FRMPD1: variants seen among roughly 807,000 people sequenced by gnomAD.
FRMPD1 encodes FERM and PDZ domain-containing protein 1.
In FRMPD1, 76 loss-of-function variants were observed where a neutral mutation model predicts 117.8. The observed-to-expected ratio is 0.65, with a 90% CI of 0.54 to 0.78. The LOEUF (loss-of-function observed/expected upper bound fraction) is 0.78, where lower values mean the gene tolerates loss of function less well. Ranked by LOEUF, FRMPD1 falls within the 30% of genes least tolerant of loss-of-function variation. FRMPD1 has a pLI of 0.00. For missense variants in FRMPD1, 1,786 were observed against 1,964.5 expected (o/e 0.91, Z 1.72); for synonymous variants, 783 against 770.4 (o/e 1.02, Z -0.27).
rs1449288884 is a variant in FRMPD1 at position 37,740,417 on chromosome 9, T to C, written c.1889T>C (p.Phe630Ser). 6.2e-7 allele frequency: 1 copy of C among 1,614,030 alleles called. No individual in the cohort carries two copies. Among genetic ancestry groups the C allele is most frequent in the Non-Finnish European group, 8.5e-7 (1 of 1,180,030 alleles). Residue 630 changes from phenylalanine (F) to serine (S), a missense_variant, in exon 15 of 16, where the codon TTT (phenylalanine) becomes TCT (serine). Phe to Ser is a radical substitution (Grantham distance 155). Transcript: ENST00000377765. The surrounding 1 kb of genome is among the most constrained non-coding windows in gnomAD (Gnocchi z 4.2). Reference protein sequence around the residue: ...CSSSRSTFFHFGSPGLAESID... With the variant: ...CSSSRSTFFHSGSPGLAESID... ...TCCAGCAGGTCCACCTTCTTCCACT[T>C]TGGCTCGCCAGGCCTCGCAGAGAGC...
At chr9:37,731,967 G>C (rs1219266129) in intron 9 of FRMPD1, among the ~76,000 whole-genome samples, 1 of 152,132 alleles carries the variant, frequency 6.6e-6, no homozygotes, top group Admixed American at 6.6e-5. Flanking sequence ...ACTGCCCCAA[G>C]TCTTACAGAA....
chr9:37,664,760 A>G (rs1432506267), intron 1 of FRMPD1, among the ~76,000 whole-genome samples: 1 of 152,224 alleles, frequency 6.6e-6, no homozygotes, highest in East Asian at 1.9e-4. Flanking sequence ...CAGCAATAAA[A>G]GCAAAGAAAA....
At chr9:37,737,799 G>T (rs1253103973) in intron 14 of FRMPD1, among the ~76,000 whole-genome samples, 1 of 149,362 alleles carries the variant, frequency 6.7e-6, no homozygotes, top group Non-Finnish European at 1.5e-5. Context: ...CTCCAGCCTG[G>T]GCAACAAGAG....
rs377001478 is a variant in FRMPD1, at chr9:37,745,220, A to C, written c.3188A>C (p.His1063Pro). 6.2e-7 allele frequency: 1 copy of C among 1,613,012 alleles called. No individual in the cohort carries two copies. The highest frequency in any genetic ancestry group is 1.3e-5 in the African/African-American group (1 of 74,916). ...GGATTGGAATCTTTTTGTACAAATC[A>C]TATACAAGAAACTGCCCCCAAATAC... ...EMGLESFCTNHIQETAPKYTE... is the reference protein window; with the variant it reads ...EMGLESFCTNPIQETAPKYTE... The change falls in exon 16 of 16, where the codon CAT (histidine) becomes CCT (proline). Residue 1063 changes from histidine (H) to proline (P), a missense_variant. His to Pro is a moderately conservative substitution (Grantham distance 77). Coordinates refer to ENST00000377765, the MANE Select transcript of FRMPD1 (RefSeq NM_014907.3).
At chr9:37,730,194 C>T (rs1405274617) in intron 8 of FRMPD1, among the ~76,000 whole-genome samples, 1 of 152,176 alleles carries the variant, frequency 6.6e-6, no homozygotes, top group African/African-American at 2.4e-5. Context: ...GCACCTGCTG[C>T]CTTTGAGCCA....
At chr9:37,644,037 G>A in the FRMPD1 span, among the ~76,000 whole-genome samples, 2 of 152,220 alleles carry the variant, frequency 1.3e-5, no homozygotes, top group Non-Finnish European at 2.9e-5. Context: ...TTGGCCCAAA[G>A]GAAGGAAGCA....
At chr9:37,662,529 G>A (rs541264398) in intron 1 of FRMPD1, among the ~76,000 whole-genome samples, 1 of 152,222 alleles carries the variant, frequency 6.6e-6, no homozygotes, top group Non-Finnish European at 1.5e-5. Context: ...GGAATACAGG[G>A]CTGAGGGATC....
chr9:37,699,901 A>G (rs1822472872), intron 2 of FRMPD1, among the ~76,000 whole-genome samples: 1 of 148,376 alleles, frequency 6.7e-6, no homozygotes, highest in African/African-American at 2.4e-5. Flanking sequence ...GTATGCATGC[A>G]CGCACACACA....
intron 6 of FRMPD1, among the ~76,000 whole-genome samples, chr9:37,719,631 A>G (rs1229041365): frequency 6.6e-6 from 1 of 152,230 alleles, no homozygotes; most frequent in South Asian, 2.1e-4. Context: ...AGACATCACA[A>G]TACCCTGCAA....
chr9:37,628,673 G>A, the FRMPD1 span, among the ~76,000 whole-genome samples: 1 of 152,200 alleles, frequency 6.6e-6, no homozygotes, highest in Non-Finnish European at 1.5e-5. Context: ...GCGGCTAAGG[G>A]AACCTGCCTA....
chr9:37,650,807 G>T (rs1162942353), upstream of FRMPD1, among the ~76,000 whole-genome samples: 1 of 150,050 alleles, frequency 6.7e-6, no homozygotes, highest in Non-Finnish European at 1.5e-5. Flanking sequence ...GCCAGCGGAG[G>T]CGGCGCGCGG....
At chr9:37,698,670 T>A (rs917004644) in intron 2 of FRMPD1, among the ~76,000 whole-genome samples, 3 of 149,512 alleles carry the variant, frequency 2.0e-5, no homozygotes, top group Non-Finnish European at 4.4e-5. Context: ...CAAGAGATTC[T>A]CCTGCCTCAG....
At chr9:37,711,107 C>A (rs538778203) in intron 4 of FRMPD1, among the ~76,000 whole-genome samples, 2 of 152,042 alleles carry the variant, frequency 1.3e-5, no homozygotes, top group African/African-American at 4.8e-5. Context: ...GGTGAACTTA[C>A]GAAAATTCCC....
At chr9:37,645,939 A>T in the FRMPD1 span, among the ~76,000 whole-genome samples, 1 of 152,190 alleles carries the variant, frequency 6.6e-6, no homozygotes, top group Non-Finnish European at 1.5e-5. Flanking sequence ...ATCAGGTATC[A>T]TTGCCTCTTC....
chr9:37,740,375 A>C lies in FRMPD1; in HGVS notation c.1847A>C (p.Asp616Ala). ...SESMDALEED[D>A]LDTCSSSRST... ...TCCATGGACGCTCTGGAAGAGGATG[A>C]CTTAGACACCTGCTCCTCCAGCAGG... Residue 616 changes from aspartate to alanine, a missense_variant, in exon 15 of 16, where the codon GAC (aspartate) becomes GCC (alanine). Asp to Ala is a moderately radical substitution (Grantham distance 126, BLOSUM62 -2). Transcript: ENST00000377765. The surrounding 1 kb of genome is among the most constrained non-coding windows in gnomAD (Gnocchi z 4.2). The C allele has an allele frequency of 6.2e-7, 1 of 1,613,822 alleles. No homozygotes were observed. The highest frequency in any genetic ancestry group is 8.5e-7 in the Non-Finnish European group (1 of 1,179,978).
At chr9:37,720,383 G>A (rs562457534) in intron 6 of FRMPD1, among the ~76,000 whole-genome samples, 35 of 151,978 alleles carry the variant, frequency 2.3e-4, no homozygotes, top group Admixed American at 2.0e-3. Context: ...GATCAAGACC[G>A]GCCGGGGGCG....
In FRMPD1 at chr9:37,692,717, C is replaced by T. The variant is rs780133603; in HGVS notation, c.76C>T (p.Arg26Trp). 2.5e-5 allele frequency: 40 copies of T among 1,613,586 alleles called. 1 individual carries two copies. The South Asian group carries it at 3.2e-4, about 13-fold the overall frequency. Reference sequence around the variant, plus strand: ...AGAACAAATGGTGGCAAGATGGCTTCGGCGCTCCCGGGACAGCTCGGCCCG... The same window carrying T: ...AGAACAAATGGTGGCAAGATGGCTTTGGCGCTCCCGGGACAGCTCGGCCCG... ...RIEQMVARWL[R>W]RSRDSSARAK... Residue 26 changes from arginine (R) to tryptophan (W), a missense_variant, in exon 2 of 16, where the codon CGG becomes TGG. By Grantham distance (101) the Arg-to-Trp change is moderately radical (BLOSUM62 -3). Transcript: ENST00000377765.
At chr9:37,739,080 G>A (rs909018452) in intron 14 of FRMPD1, among the ~76,000 whole-genome samples, 17 of 152,112 alleles carry the variant, frequency 1.1e-4, no homozygotes, top group African/African-American at 1.9e-4. Flanking sequence ...AGACCTCAGC[G>A]CCATTCTGTG....
chr9:37,652,426 G>T (rs1442451441), intron 1 of FRMPD1, among the ~76,000 whole-genome samples: 5 of 152,226 alleles, frequency 3.3e-5, no homozygotes, highest in African/African-American at 1.2e-4. Context: ...CCAATATCTT[G>T]TTCCCCTTGT....
Sources: allele counts gnomAD v4.1 joint callset (sites outside exome capture counted in the v4.1 genomes callset), GRCh38; gene constraint gnomAD v4.1.1; non-coding constraint Gnocchi (gnomAD v3.1); transcripts MANE v1.5; gene names NCBI Gene and HGNC (gene_info 2026-07-23, HGNC 2026-07-21).